Variants in SP4 observed in about 807,000 individuals in gnomAD.
SP4 encodes the protein transcription factor Sp4.
Under a neutral mutation model 72.8 loss-of-function variants are expected in SP4, and 19 were observed. That is an observed-to-expected ratio of 0.26 (90% CI 0.18 to 0.38). The LOEUF is 0.38. SP4 is among the 10% of genes least tolerant of loss of function. The pLI is 1.00. For missense variants in SP4, 1,008 were observed against 926.3 expected (o/e 1.09, Z -1.14); for synonymous variants, 395 against 333.1 (o/e 1.19, Z -2.02).
At chr7:21,462,733 G>A (rs1476225790) in intron 3 of SP4, among the ~76,000 whole-genome samples, 1 of 152,206 alleles carries the variant, frequency 6.6e-6, no homozygotes, top group Non-Finnish European at 1.5e-5. Flanking sequence ...GTTACACCTG[G>A]TCTTTGGGGG....
At chr7:21,452,859 T>G (rs1783642508) in intron 3 of SP4, among the ~76,000 whole-genome samples, 4 of 151,664 alleles carry the variant, frequency 2.6e-5, no homozygotes, top group Admixed American at 2.6e-4. Context: ...CTGAGCTCAC[T>G]GCAGTCTCCA....
chr7:21,457,939 A>G (rs1225669647), intron 3 of SP4, among the ~76,000 whole-genome samples: 2 of 152,212 alleles, frequency 1.3e-5, no homozygotes, highest in African/African-American at 4.8e-5. Context: ...AAAATGTACT[A>G]ATTTTAGAAA....
Position 21,476,188 on chromosome 7 carries a change from T to C in SP4, c.1679-891T>C, listed in dbSNP as rs904653330. On this transcript the variant is annotated intron_variant, in intron 3 of 5. Transcript: ENST00000222584. ...ACTAGGGAGGCTGAAGAAGAAGAAT[T>C]GCTTGAACCCAGGAGGTGGAGGTTG... Among the ~76,000 whole-genome samples the C allele has an allele frequency of 2.0e-5, 3 of 147,748 alleles. No homozygotes were observed. The East Asian group carries it at 6.0e-4, about 30-fold the overall frequency.
In SP4 at chr7:21,514,660, G is replaced by C. The variant is rs1244858687; in HGVS notation, c.*3391G>C. Reference sequence around the variant, plus strand: ...ATTGACATTTTTACAGTGCTGATTTGTATAAAATTTGTTTTTTGTGGATTT... The same window carrying C: ...ATTGACATTTTTACAGTGCTGATTTCTATAAAATTTGTTTTTTGTGGATTT... On this transcript the variant is annotated 3_prime_UTR_variant, in exon 6 of 6. Coordinates refer to ENST00000222584, the MANE Select transcript of SP4 (RefSeq NM_003112.5). 6.6e-6 allele frequency: 1 copy of C among 152,000 alleles called. No homozygotes were observed. Among genetic ancestry groups the C allele is most frequent in the Non-Finnish European group, 1.5e-5 (1 of 68,004 alleles). The allele number at this position is 152,000 out of a possible 1,614,324, so 9.4% of individuals were successfully genotyped here.
At chr7:21,461,121 C>T (rs1430502378) in intron 3 of SP4, among the ~76,000 whole-genome samples, 1 of 152,242 alleles carries the variant, frequency 6.6e-6, no homozygotes, top group South Asian at 2.1e-4. Flanking sequence ...ACTCAGGAGC[C>T]CTGCTGGCTT....
chr7:21,444,512 G>A (rs1217225190), intron 3 of SP4, among the ~76,000 whole-genome samples: 1 of 152,184 alleles, frequency 6.6e-6, no homozygotes, highest in African/African-American at 2.4e-5. Flanking sequence ...GCCACATAGT[G>A]AATGATGGAA....
chr7:21,507,429 C>T (rs1782026890), intron 5 of SP4, among the ~76,000 whole-genome samples: 1 of 152,228 alleles, frequency 6.6e-6, no homozygotes, highest in African/African-American at 2.4e-5. Flanking sequence ...AACCCTCCTG[C>T]TGCCCCTTGA....
In SP4 at chr7:21,454,305, A is replaced by G. The variant is rs988399573; in HGVS notation, c.1679-22774A>G. 7.9e-5 allele frequency among the ~76,000 whole-genome samples: 12 copies of G among 152,204 alleles called. No homozygotes were observed. The East Asian group carries it at 2.3e-3, about 29-fold the overall frequency. ...AGTTTAGGAAGCATTTAGTGGGCTT[A>G]ATAACCTTTACAATTATATAACATT... On this transcript the variant is annotated intron_variant, in intron 3 of 5. Coordinates refer to ENST00000222584, the MANE Select transcript of SP4 (RefSeq NM_003112.5).
At chr7:21,434,759 C>G (rs1179359628) in intron 3 of SP4, among the ~76,000 whole-genome samples, 2 of 152,200 alleles carry the variant, frequency 1.3e-5, no homozygotes, top group South Asian at 2.1e-4. Context: ...CTCACCCTGC[C>G]CTCCACCTTT....
intron 3 of SP4, among the ~76,000 whole-genome samples, chr7:21,432,909 G>A (rs560084637): frequency 2.0e-5 from 3 of 152,156 alleles, no homozygotes; most frequent in African/African-American, 7.2e-5. Context: ...TAGGAGGATC[G>A]CTTGTACCCG....
At position 21,428,809 on chromosome 7, in the gene SP4, TAAAA is replaced by T. The variant is rs1372497935; in HGVS notation, c.123+21_123+24del. On this transcript the variant is annotated intron_variant, in intron 2 of 5. Transcript: ENST00000222584. ...GGCTCCCAGGTAAAAGCAAACAAATTAAAAAAATTCATCACGACACATTAGGAGA... is the reference window on the plus strand; with the variant it reads ...GGCTCCCAGGTAAAAGCAAACAAATTAAATTCATCACGACACATTAGGAGA... The T allele has an allele frequency of 3.2e-6, 5 of 1,538,542 alleles. No homozygotes were observed. The highest frequency in any genetic ancestry group is 4.4e-6 in the Non-Finnish European group (5 of 1,140,878).
intron 3 of SP4, among the ~76,000 whole-genome samples, chr7:21,466,075 T>G (rs771456453): frequency 7.2e-5 from 11 of 152,228 alleles, no homozygotes; most frequent in Non-Finnish European, 1.6e-4. Flanking sequence ...TGTTTCTTTT[T>G]GACAGTAAAT....
chr7:21,472,197 C>T (rs1052057285), intron 3 of SP4, among the ~76,000 whole-genome samples: 7 of 152,100 alleles, frequency 4.6e-5, no homozygotes, highest in Non-Finnish European at 1.0e-4. Context: ...AGATGAGGTC[C>T]CCCAAGAAGA....
intron 1 of SP4, 95 bp from the exon 2 acceptor site, chr7:21,428,582 C>A: frequency 8.0e-7 from 1 of 1,255,246 alleles, no homozygotes; most frequent in Non-Finnish European, 1.1e-6. Context: ...GATTAATGTT[C>A]GGGGGGAGGG....
At position 21,439,409 on chromosome 7, in the gene SP4, C is replaced by T. The variant is rs1043669052; in HGVS notation, c.1678+8566C>T. On this transcript the variant is annotated intron_variant, in intron 3 of 5. Transcript: ENST00000222584. ...GTTACATCGATATGTTGTATAGTGG[C>T]GAAGGCAGGGCTTTTAGTGTGTGCA... 7.9e-5 allele frequency among the ~76,000 whole-genome samples: 12 copies of T among 152,000 alleles called. 1 individual carries two copies. Among genetic ancestry groups the T allele is most frequent in the South Asian group, 6.2e-4 (3 of 4,816 alleles).
chr7:21,459,469 T>C (rs1583405247), intron 3 of SP4, among the ~76,000 whole-genome samples: 1 of 152,172 alleles, frequency 6.6e-6, no homozygotes, highest in East Asian at 1.9e-4. Context: ...GTATATCAGA[T>C]TTCATTAAAA....
chr7:21,477,064 TTTC>T lies in SP4; in HGVS notation c.1679-11_1679-9del, dbSNP rs1562613535. The T allele has an allele frequency of 6.3e-7, 1 of 1,596,510 alleles. No homozygotes were observed. Among genetic ancestry groups the T allele is most frequent in the Non-Finnish European group, 8.6e-7 (1 of 1,164,920 alleles). On this transcript the variant is annotated splice_polypyrimidine_tract_variant and intron_variant, in intron 3 of 5. Transcript: ENST00000222584. ...AGAAAACATTACAATACTTCTTTTT[TTTC>T]TTCCTTTTTAGGTCAGCAGCAAGGA...
In SP4 at chr7:21,512,449, A is replaced by G. The variant is rs1782173753; in HGVS notation, c.*1180A>G. 2 of 152,136 alleles carry G rather than the reference A, an allele frequency of 1.3e-5. 1 individual carries two copies. The highest frequency in any genetic ancestry group is 2.9e-5 in the Non-Finnish European group (2 of 68,024). The allele number at this position is 152,136 out of a possible 1,614,324, so 9.4% of individuals were successfully genotyped here. Reference sequence around the variant, plus strand: ...AAAATTAGCCTAATATATAATAGATATATTATGAAGCAAAACTTTTATTTT... The same window carrying G: ...AAAATTAGCCTAATATATAATAGATGTATTATGAAGCAAAACTTTTATTTT... On this transcript the variant is annotated 3_prime_UTR_variant, in exon 6 of 6. Coordinates refer to ENST00000222584, the MANE Select transcript of SP4 (RefSeq NM_003112.5).
chr7:21,481,566 A>C (rs967644184), intron 4 of SP4, among the ~76,000 whole-genome samples: 19 of 152,210 alleles, frequency 1.2e-4, no homozygotes, highest in Admixed American at 1.2e-3. Context: ...GAAACTCTGC[A>C]TCTTACACTT....
Sources: gnomAD v4.1 joint callset for allele counts (sites outside exome capture counted in the v4.1 genomes callset) on GRCh38, gnomAD v4.1.1 for gene constraint, MANE v1.5 for transcripts, NCBI Gene and HGNC (gene_info 2026-07-23, HGNC 2026-07-21) for gene names.